POU6F1: variants seen among roughly 807,000 people sequenced by gnomAD.
POU6F1 encodes the protein POU class 6 homeobox 1, also known as POU domain, class 6, transcription factor 1.
In POU6F1, 9 loss-of-function variants were observed where a neutral mutation model predicts 28.9. The ratio of observed to expected loss-of-function variants is 0.31; its 90% CI spans 0.19 to 0.54. The LOEUF (loss-of-function observed/expected upper bound fraction) is 0.54. Ranked by LOEUF, POU6F1 falls within the 20% of genes least tolerant of loss-of-function variation. POU6F1 has a pLI of 0.94. For synonymous variants in POU6F1, 173 were observed against 171.1 expected (o/e 1.01, Z -0.09); for missense variants, 338 against 426.1 (o/e 0.79, Z 1.82).
Position 51,204,349 on chromosome 12 carries a change from T to C in POU6F1, c.68A>G (p.His23Arg). 1 of 399,288 alleles carries C rather than the reference T, an allele frequency of 2.5e-6. No homozygotes were observed. The highest frequency in any genetic ancestry group is 4.4e-6 in the Non-Finnish European group (1 of 226,312). 24.7% of individuals were successfully genotyped at this position (399,288 alleles called of 1,614,324 possible). A position where few individuals can be genotyped will look rare whatever the true frequency, so the allele number is the denominator to read the frequency against. ...VNEQVIVMSG[H>R]ETIRVLEVGV... ...GACTTCCAGCACTCGGATGGTCTCA[T>C]GACCTGACATCACGATGACCTGCAA... Residue 23 changes from histidine (H) to arginine (R), a missense_variant, in exon 3 of 11, where the codon CAT becomes CGT. Transcript: ENST00000333640.
chr12:51,214,396 C>T (rs1944181179), intron 1 of POU6F1, among the ~76,000 whole-genome samples: 1 of 152,004 alleles, frequency 6.6e-6, no homozygotes, highest in South Asian at 2.1e-4. Context: ...TGCCCCGGAC[C>T]CCATCCTCCT....
At chr12:51,210,403 A>G (rs914823592) in intron 1 of POU6F1, among the ~76,000 whole-genome samples, 4 of 152,172 alleles carry the variant, frequency 2.6e-5, no homozygotes, top group Non-Finnish European at 5.9e-5. Context: ...GGGGAGAAGA[A>G]TTTTCCAATT....
At chr12:51,207,323 CA>C (rs558070229) in intron 1 of POU6F1, 6 of 143,540 alleles carry the variant, frequency 4.2e-5, no homozygotes, top group Non-Finnish European at 4.6e-5. Context: ...TGCACCTGGC[CA>C]AAAAAAAAAG....
rs1944329339 is a variant in POU6F1 at position 51,217,136 on chromosome 12, G to T, written c.-48+506C>A. On this transcript the variant is annotated intron_variant, in intron 1 of 10. Coordinates refer to ENST00000333640, the MANE Select transcript of POU6F1 (RefSeq NM_001330422.2). This position sits in a 1 kb window ranked among gnomAD's most constrained non-coding sequence, Gnocchi z 5.3. ...GGTCCCACCGGTCGTCCCGGAGTTT[G>T]TTCATTCGGGAGAACCGTGACAGGT... 6.6e-6 allele frequency among the ~76,000 whole-genome samples: 1 copy of T among 152,192 alleles called. No individual in the cohort carries two copies. Among genetic ancestry groups the T allele is most frequent in the Non-Finnish European group, 1.5e-5 (1 of 68,008 alleles).
intron 7 of POU6F1, among the ~76,000 whole-genome samples, chr12:51,196,517 G>C (rs896335176): frequency 1.3e-5 from 2 of 152,216 alleles, no homozygotes; most frequent in Admixed American, 6.5e-5. Flanking sequence ...GTACTCCAAA[G>C]AAAGTGAGAT....
At chr12:51,213,212 C>T (rs1208169257) in intron 1 of POU6F1, among the ~76,000 whole-genome samples, 2 of 152,192 alleles carry the variant, frequency 1.3e-5, no homozygotes, top group Non-Finnish European at 2.9e-5. Flanking sequence ...GCTGGGATTA[C>T]AGGCGTGAGC....
intron 1 of POU6F1, among the ~76,000 whole-genome samples, chr12:51,215,616 C>A (rs1338325610): frequency 6.6e-6 from 1 of 151,074 alleles, no homozygotes; most frequent in Admixed American, 6.6e-5. Flanking sequence ...TCTGGAGAAC[C>A]CAGACCACAC....
Position 51,196,155 on chromosome 12 carries a change from A to G in POU6F1, c.994T>C (p.Trp332Arg), listed in dbSNP as rs536914679. 19 of 1,529,282 alleles carry G rather than the reference A, an allele frequency of 1.2e-5. No homozygotes were observed. Among genetic ancestry groups the G allele is most frequent in the Non-Finnish European group, 1.7e-5 (19 of 1,141,008 alleles). The allele number at this position is 1,529,282 out of a possible 1,614,324, so 94.7% of individuals were successfully genotyped here. The change falls in exon 8 of 11, where the codon TGG becomes CGG. Residue 332 changes from tryptophan to arginine, a missense_variant. Physicochemically the swap from Trp to Arg is moderately radical, Grantham distance 101. Around this residue, in one of 3 missense-constraint regions of POU6F1, gnomAD observed 206 missense variants for 225.6 expected, o/e 0.91. Coordinates refer to ENST00000333640, the MANE Select transcript of POU6F1 (RefSeq NM_001330422.2). ...GCCACACTAGCTGAGTTCACTACCC[A>G]TGGAAGGGTTCCAATAACCTGGGAG... ...AQGQVIGTLPWVVNSASVAAP... is the reference protein window; with the variant it reads ...AQGQVIGTLPRVVNSASVAAP...
intron 3 of POU6F1, 143 bp from the exon 4 acceptor site, chr12:51,200,011 C>A (rs1943106712): frequency 2.5e-6 from 1 of 397,854 alleles, no homozygotes; most frequent in Non-Finnish European, 4.4e-6. Context: ...AGCCCAAGAC[C>A]AATTGTTGGT....
chr12:51,200,845 G>T (rs1943161294), intron 3 of POU6F1, among the ~76,000 whole-genome samples: 1 of 151,982 alleles, frequency 6.6e-6, no homozygotes, highest in Non-Finnish European at 1.5e-5. Context: ...ATACCACCAC[G>T]CCTGGCTAAT....
At chr12:51,196,240 C>T in intron 7 of POU6F1, 67 bp from the exon 8 acceptor site, 1 of 1,280,602 alleles carries the variant, frequency 7.8e-7, no homozygotes, top group South Asian at 1.6e-5. Context: ...AAACCCAGAT[C>T]CCCACACCAC....
At position 51,189,342 on chromosome 12, in the gene POU6F1, T is replaced by C. The variant is rs1008327612; in HGVS notation, c.*905A>G. ...GAGAAAGTCAGCATTCCTTTCCTTA[T>C]TTTTCTCCAGAGTTGCCCGTTTGCT... is the stretch of plus-strand genomic sequence containing the variant. On this transcript the variant is annotated 3_prime_UTR_variant, in exon 11 of 11. Transcript: ENST00000333640. 6.6e-6 allele frequency: 1 copy of C among 152,150 alleles called. No individual in the cohort carries two copies. The highest frequency in any genetic ancestry group is 1.5e-5 in the Non-Finnish European group (1 of 68,034). The allele number at this position is 152,150 out of a possible 1,614,324, so 9.4% of individuals were successfully genotyped here.
At chr12:51,207,521 C>T (rs1233480754) in intron 1 of POU6F1, 3 of 152,056 alleles carry the variant, frequency 2.0e-5, no homozygotes, top group South Asian at 2.1e-4. Context: ...GAACCTTAGA[C>T]TTAGGTAAGG....
In POU6F1 at chr12:51,196,516, A is replaced by C. The variant is rs140312758; in HGVS notation, c.975+283T>G. Among the ~76,000 whole-genome samples the C allele has an allele frequency of 7.4e-3, 1,132 of 152,332 alleles. 14 individuals are homozygous for C. The highest frequency in any genetic ancestry group is 0.026 in the African/African-American group (1,068 of 41,556). Reference sequence around the variant, plus strand: ...TCCATCTAATAGATTTGTACTCCAAAGAAAGTGAGATGATGTATGAGAAAG... The same window carrying C: ...TCCATCTAATAGATTTGTACTCCAACGAAAGTGAGATGATGTATGAGAAAG... On this transcript the variant is annotated intron_variant, in intron 7 of 10. Transcript: ENST00000333640.
intron 3 of POU6F1, among the ~76,000 whole-genome samples, chr12:51,200,176 T>C (rs1292257039): frequency 6.6e-6 from 1 of 152,150 alleles, no homozygotes; most frequent in African/African-American, 2.4e-5. Context: ...CCTGGCCCTG[T>C]AAGGACTGTC....
rs1213480092 is a variant in POU6F1 at position 51,217,361 on chromosome 12, C to T, written c.-48+281G>A. Among the ~76,000 whole-genome samples the T allele has an allele frequency of 1.3e-5, 2 of 151,900 alleles. No individual in the cohort carries two copies. The highest frequency in any genetic ancestry group is 2.4e-5 in the African/African-American group (1 of 41,378). ...CCACCGGGTCCACCTGGCGGCCGCC[C>T]CCTCCGCTCCAGGTCCAGAGCGGCC... is the stretch of plus-strand genomic sequence containing the variant. On this transcript the variant is annotated intron_variant, in intron 1 of 10. Coordinates refer to ENST00000333640, the MANE Select transcript of POU6F1 (RefSeq NM_001330422.2). The surrounding 1 kb of genome is among the most constrained non-coding windows in gnomAD (Gnocchi z 5.3).
chr12:51,215,892 T>C (rs377060433), intron 1 of POU6F1, among the ~76,000 whole-genome samples: 226 of 152,354 alleles, frequency 1.5e-3, no homozygotes, highest in African/African-American at 5.2e-3. Flanking sequence ...TGATAATATT[T>C]ATGGAAGGCA....
At position 51,199,243 on chromosome 12, in the gene POU6F1, C is replaced by T. The variant is rs370979112; in HGVS notation, c.367-468G>A. Among the ~76,000 whole-genome samples, 19 of 151,464 alleles carry T rather than the reference C, an allele frequency of 1.3e-4. No homozygotes were observed. The East Asian group carries it at 3.3e-3, about 26-fold the overall frequency. On this transcript the variant is annotated intron_variant, in intron 4 of 10. Coordinates refer to ENST00000333640, the MANE Select transcript of POU6F1 (RefSeq NM_001330422.2). The surrounding 1 kb of genome is among the most constrained non-coding windows in gnomAD (Gnocchi z 4.1). Reference sequence around the variant, plus strand: ...GTGGTCAAGGCCCCACAGAGGCCTCCGAGAAGTTTCTGAAGGACCATACCC... The same window carrying T: ...GTGGTCAAGGCCCCACAGAGGCCTCTGAGAAGTTTCTGAAGGACCATACCC...
chr12:51,194,658 A>G (rs11169758), intron 8 of POU6F1, among the ~76,000 whole-genome samples: 54,540 of 146,192 alleles, frequency 0.37, 10,779 homozygotes, highest in East Asian at 0.58. Flanking sequence ...AAAAAAAAAA[A>G]GCTCATCTGG....
Sources: allele counts gnomAD v4.1 joint callset (sites outside exome capture counted in the v4.1 genomes callset), GRCh38; gene constraint gnomAD v4.1.1; regional missense constraint gnomAD v4.1.1; non-coding constraint Gnocchi (gnomAD v3.1); transcripts MANE v1.5; gene names NCBI Gene and HGNC (gene_info 2026-07-23, HGNC 2026-07-21).